The following MYO3B variants were observed in gnomAD, a reference collection of about 807,000 sequenced individuals.
The protein encoded by MYO3B is myosin-IIIb.
A neutral mutation model predicts 174.6 loss-of-function variants in MYO3B; 156 were observed. That is an observed-to-expected ratio of 0.89 (90% confidence interval 0.78 to 1.02). MYO3B has a LOEUF of 1.02. MYO3B is among the 50% of genes least tolerant of loss of function. The pLI, the probability that MYO3B is intolerant of heterozygous loss-of-function variation, is 0.00. For synonymous variants in MYO3B, 563 were observed against 569.1 expected, an observed-to-expected ratio of 0.99 and a Z score of 0.15; for missense variants, 1,632 against 1,639.4, an observed-to-expected ratio of 1.00 and a Z score of 0.08.
At chr2:170,602,012 T>A in intron 32 of MYO3B, 2 of 912,636 alleles carry the variant, frequency 2.2e-6, no homozygotes, top group Admixed American at 3.4e-5. Context: ...TTCATTTCTC[T>A]TTCATAACGG....
intron 32 of MYO3B, chr2:170,646,810 G>A (rs1325610356): frequency 5.9e-6 from 4 of 674,452 alleles, no homozygotes; most frequent in Admixed American, 2.2e-5. Context: ...AATTAATAGA[G>A]AAGCAGTAAC....
chr2:170,327,379 C>A (rs887685434), intron 7 of MYO3B, among the ~76,000 whole-genome samples: 7 of 151,128 alleles, frequency 4.6e-5, no homozygotes, highest in African/African-American at 1.2e-4. Flanking sequence ...AGCAAGACTC[C>A]TTCTCAACAA....
At chr2:170,610,187 A>C (rs540551914) in intron 32 of MYO3B, among the ~76,000 whole-genome samples, 66 of 152,232 alleles carry the variant, frequency 4.3e-4, no homozygotes, top group African/African-American at 1.6e-3. Context: ...ATACAAAAAC[A>C]AAATTAGACG....
At chr2:170,392,820 A>G (rs146829833) in intron 16 of MYO3B, among the ~76,000 whole-genome samples, 41 of 152,168 alleles carry the variant, frequency 2.7e-4, no homozygotes, top group African/African-American at 6.3e-4. Flanking sequence ...ATTGTCATCA[A>G]TTCATTACAC....
chr2:170,541,000 G>T (rs572623409), intron 30 of MYO3B, among the ~76,000 whole-genome samples: 8 of 151,998 alleles, frequency 5.3e-5, no homozygotes, highest in Non-Finnish European at 1.0e-4. Context: ...GACCTCTGCC[G>T]CTGACTTTTC....
chr2:170,302,646 A>G (rs546422910), intron 7 of MYO3B, among the ~76,000 whole-genome samples: 1 of 152,308 alleles, frequency 6.6e-6, no homozygotes, highest in South Asian at 2.1e-4. Context: ...TTGCTATACC[A>G]TGGCAGGGGT....
chr2:170,549,374 T>C (rs555593694), intron 32 of MYO3B, among the ~76,000 whole-genome samples: 12 of 152,312 alleles, frequency 7.9e-5, no homozygotes, highest in African/African-American at 2.9e-4. Flanking sequence ...TGGGATGTAG[T>C]AGAGCCACCA....
intron 7 of MYO3B, among the ~76,000 whole-genome samples, chr2:170,285,624 C>T (rs1196163979): frequency 1.3e-5 from 2 of 152,146 alleles, no homozygotes; most frequent in Non-Finnish European, 2.9e-5. Flanking sequence ...CTTGTCCTCT[C>T]AAAGTGCTGG....
intron 21 of MYO3B, 60 bp downstream of exon 21, chr2:170,405,693 C>A: frequency 1.5e-6 from 2 of 1,350,496 alleles, no homozygotes; most frequent in Non-Finnish European, 2.1e-6. Context: ...GTCTGTATTA[C>A]CCTGTCTGTG....
intron 8 of MYO3B, among the ~76,000 whole-genome samples, chr2:170,357,358 A>C (rs150152280): frequency 0.015 from 2,194 of 146,836 alleles, 46 homozygotes; most frequent in African/African-American, 0.05. Context: ...TATATTTTAT[A>C]TATTATATAT....
At chr2:170,559,912 ATGTGTGTGTGTTTGTCTG>A (rs1691593299) in intron 32 of MYO3B, among the ~76,000 whole-genome samples, 1 of 151,952 alleles carries the variant, frequency 6.6e-6, no homozygotes. Context: ...GTTCCTAAGA[ATGTGTGTGTGTTTGTCTG>A]TGTGTGTGTG....
In MYO3B at chr2:170,489,669, C is replaced by CTGGGTAAGTG. The variant is rs373171997; in HGVS notation, c.3015-8900_3015-8891dup. 2.2e-5 allele frequency among the ~76,000 whole-genome samples: 2 copies of CTGGGTAAGTG among 89,902 alleles called. 1 individual carries two copies. Among genetic ancestry groups the CTGGGTAAGTG allele is most frequent in the Admixed American group, 2.0e-4 (2 of 9,866 alleles). 59.0% of individuals were successfully genotyped at this position (89,902 alleles called of 152,430 possible). On this transcript the variant is annotated intron_variant, in intron 25 of 34. Transcript: ENST00000408978. ...TGTGTGTGTGTGTGTGTGTGTGTGT[C>CTGGGTAAGTG]TGGGTAAGTGTGGGTAAGTGTGGGT... is the stretch of plus-strand genomic sequence containing the variant.
intron 32 of MYO3B, among the ~76,000 whole-genome samples, chr2:170,588,908 A>G (rs759047139): frequency 8.5e-5 from 13 of 152,222 alleles, no homozygotes; most frequent in South Asian, 2.1e-4. Flanking sequence ...AGGTTCATCC[A>G]TGATTTTAAA....
chr2:170,597,636 G>T (rs1246074561), intron 32 of MYO3B, among the ~76,000 whole-genome samples: 1 of 151,964 alleles, frequency 6.6e-6, no homozygotes, highest in Non-Finnish European at 1.5e-5. Flanking sequence ...CCTGTCTAGT[G>T]GTTAGGGGAA....
At chr2:170,350,919 T>C (rs1015812309) in intron 8 of MYO3B, 1 of 152,170 alleles carries the variant, frequency 6.6e-6, no homozygotes, top group African/African-American at 2.4e-5. Context: ...GTAAAGGTGA[T>C]GCCTTAGGTT....
At chr2:170,513,646 C>G (rs747605329) in intron 28 of MYO3B, among the ~76,000 whole-genome samples, 21 of 152,340 alleles carry the variant, frequency 1.4e-4, no homozygotes, top group South Asian at 8.3e-4. Flanking sequence ...AACTGACACA[C>G]CCCCTTAAAA....
chr2:170,548,106 CAAAAAAA>C (rs10532249), intron 32 of MYO3B, among the ~76,000 whole-genome samples: 1 of 51,684 alleles, frequency 1.9e-5, no homozygotes, highest in Non-Finnish European at 3.0e-5. Context: ...GACTCCGTCT[CAAAAAAA>C]AAAAAAAAAA....
intron 32 of MYO3B, among the ~76,000 whole-genome samples, chr2:170,609,491 G>A (rs1024273071): frequency 6.6e-6 from 1 of 152,166 alleles, no homozygotes; most frequent in African/African-American, 2.4e-5. Flanking sequence ...AGGTGTGGAG[G>A]GAAATTGCTG....
At chr2:170,410,987 G>A (rs1408651109) in intron 22 of MYO3B, among the ~76,000 whole-genome samples, 5 of 140,256 alleles carry the variant, frequency 3.6e-5, no homozygotes, top group Non-Finnish European at 6.2e-5. Context: ...GTTCAAGGCC[G>A]GTCTGGGCAA....
Sources: allele counts gnomAD v4.1 joint callset (sites outside exome capture counted in the v4.1 genomes callset), GRCh38; gene constraint gnomAD v4.1.1; transcripts MANE v1.5; gene names NCBI Gene and HGNC (gene_info 2026-07-23, HGNC 2026-07-21).